C5: variants seen among roughly 807,000 people sequenced by gnomAD.
C5 encodes C3 and PZP-like alpha-2-macroglobulin domain-containing protein 4.
A neutral mutation model predicts 218.8 loss-of-function variants in C5; 140 were observed. The ratio of observed to expected loss-of-function variants is 0.64; its 90% CI spans 0.56 to 0.74. The LOEUF (loss-of-function observed/expected upper bound fraction) is 0.74. Ranked by LOEUF, C5 falls within the 30% of genes least tolerant of loss-of-function variation. C5 has a pLI of 0.00. For missense variants in C5, 1,700 were observed against 1,969.6 expected (o/e 0.86, Z 2.59); for synonymous variants, 614 against 682.3 (o/e 0.90, Z 1.56).
intron 7 of C5, among the ~76,000 whole-genome samples, 155 bp from the exon 8 acceptor site, chr9:121,027,429 C>A (rs982192637): frequency 2.0e-5 from 3 of 152,126 alleles, no homozygotes; most frequent in Non-Finnish European, 4.4e-5. Flanking sequence ...CATCATGCTA[C>A]CTGACTTCAA....
At chr9:121,066,131 G>C in the C5 span, among the ~76,000 whole-genome samples, 1 of 151,694 alleles carries the variant, frequency 6.6e-6, no homozygotes, top group African/African-American at 2.4e-5. Flanking sequence ...TGGCCAATAT[G>C]GCGAAACCCC....
the C5 span, among the ~76,000 whole-genome samples, chr9:121,068,647 C>G: frequency 1.3e-5 from 2 of 152,074 alleles, no homozygotes; most frequent in Non-Finnish European, 2.9e-5. Context: ...TTTTATGGAA[C>G]CACAAAGGAA....
intron 3 of C5, among the ~76,000 whole-genome samples, chr9:121,042,142 T>C (rs866540989): frequency 6.6e-6 from 1 of 152,192 alleles, no homozygotes; most frequent in African/African-American, 2.4e-5. Flanking sequence ...TATACATCTC[T>C]AATATTCTAT....
At chr9:121,000,542 A>G (rs2047152862) in intron 20 of C5, among the ~76,000 whole-genome samples, 1 of 152,202 alleles carries the variant, frequency 6.6e-6, no homozygotes, top group Non-Finnish European at 1.5e-5. Context: ...AATCAGTTGG[A>G]AAAGCATGAA....
chr9:120,995,742 T>C (rs1325248473), intron 22 of C5, among the ~76,000 whole-genome samples: 2 of 152,018 alleles, frequency 1.3e-5, no homozygotes, highest in Admixed American at 6.6e-5. Context: ...GAATTATTAT[T>C]GTTGTGTCTC....
Position 121,025,454 on chromosome 9 carries a change from C to G in C5, c.1000G>C (p.Gly334Arg), listed in dbSNP as rs570763379. Residue 334 changes from glycine to arginine, a missense_variant and splice_region_variant, in exon 9 of 41, where the codon GGT becomes CGT. Transcript: ENST00000223642. ...YIAVTVIEST[G>R]GFSEEAEIPG... ...CACACACACACACACACACACTTAC[C>G]TGTAGACTCTATGACTGTTACAGCA... 1.1e-5 allele frequency: 13 copies of G among 1,185,376 alleles called. No homozygotes were observed. In the African/African-American group the frequency reaches 1.8e-4, roughly 17 times the overall value. The allele number at this position is 1,185,376 out of a possible 1,614,324, so 73.4% of individuals were successfully genotyped here.
intron 33 of C5, among the ~76,000 whole-genome samples, chr9:120,967,783 G>A (rs1158091677): frequency 2.0e-5 from 3 of 151,698 alleles, no homozygotes; most frequent in Non-Finnish European, 2.9e-5. Context: ...GTGCAGTGGC[G>A]TGGTCACAGC....
At chr9:121,027,296 C>G in intron 7 of C5, 22 bp from the exon 8 acceptor site, 1 of 1,108,486 alleles carries the variant, frequency 9.0e-7, no homozygotes, top group South Asian at 1.3e-5. Flanking sequence ...TAGCATAAAA[C>G]TGTTTTACTA....
chr9:121,027,356 C>T (rs2416811), intron 7 of C5, 82 bp from the exon 8 acceptor site: 351,837 of 780,274 alleles, frequency 0.45, 84,505 homozygotes, highest in South Asian at 0.63. Context: ...TTTGAAATTA[C>T]GTAAAGCACT....
chr9:120,965,420 T>C (rs1413125421), intron 33 of C5, among the ~76,000 whole-genome samples: 3 of 151,954 alleles, frequency 2.0e-5, no homozygotes, highest in African/African-American at 4.8e-5. Flanking sequence ...CTTAAGAGGC[T>C]GAGGCACGAG....
intron 20 of C5, among the ~76,000 whole-genome samples, chr9:121,002,644 A>G (rs908455048): frequency 2.6e-5 from 4 of 152,070 alleles, no homozygotes; most frequent in Non-Finnish European, 4.4e-5. Context: ...CCAAGCCTCA[A>G]GCCCATCTTG....
intron 30 of C5, 135 bp downstream of exon 30, chr9:120,974,644 T>A: frequency 1.2e-6 from 1 of 838,056 alleles, no homozygotes. Context: ...ATAGCAGGCA[T>A]CCCTGTTTAG....
chr9:121,007,104 A>G lies in C5; in HGVS notation c.2349-127T>C, dbSNP rs2047222469. 8 of 714,150 alleles carry G rather than the reference A, an allele frequency of 1.1e-5. No individual in the cohort carries two copies. In the East Asian group the frequency reaches 2.1e-4, roughly 19 times the overall value. 44.2% of individuals were successfully genotyped at this position (714,150 alleles called of 1,614,324 possible). On this transcript the variant is annotated intron_variant, in intron 18 of 40. Coordinates refer to ENST00000223642, the MANE Select transcript of C5 (RefSeq NM_001735.3). ...GAAAGAAAAAAATTCACGAGATGAAATCACATCATTAAGGAAAACCTCATC... is the reference window on the plus strand; with the variant it reads ...GAAAGAAAAAAATTCACGAGATGAAGTCACATCATTAAGGAAAACCTCATC...
At chr9:120,980,328 T>A (rs41305621) in intron 27 of C5, 74 bp from the exon 28 acceptor site, 1 of 1,309,628 alleles carries the variant, frequency 7.6e-7, no homozygotes, top group Non-Finnish European at 1.1e-6. Flanking sequence ...TACCCTCAGA[T>A]CCCACTATCC....
the C5 span, among the ~76,000 whole-genome samples, chr9:121,073,135 G>T: frequency 1.3e-5 from 2 of 152,174 alleles, no homozygotes; most frequent in Admixed American, 1.3e-4. Context: ...GCCTAATACT[G>T]CTTATAATAT....
At chr9:121,042,023 T>C (rs1459364084) in intron 3 of C5, among the ~76,000 whole-genome samples, 4 of 152,172 alleles carry the variant, frequency 2.6e-5, no homozygotes, top group African/African-American at 9.7e-5. Flanking sequence ...ATTTAGCAAA[T>C]ATCTACTGTG....
At chr9:120,961,757 C>A (rs923742307) in intron 36 of C5, among the ~76,000 whole-genome samples, 192 bp from the exon 37 acceptor site, 1 of 152,152 alleles carries the variant, frequency 6.6e-6, no homozygotes, top group African/African-American at 2.4e-5. Context: ...AGAAAGATCT[C>A]CCCTTTTTCA....
the C5 span, among the ~76,000 whole-genome samples, chr9:121,063,954 T>G: frequency 2.6e-5 from 4 of 152,130 alleles, no homozygotes; most frequent in African/African-American, 7.2e-5. Flanking sequence ...CTGGGGAAAA[T>G]GGGGAATATT....
intron 28 of C5, among the ~76,000 whole-genome samples, chr9:120,978,453 T>G (rs1422388033): frequency 2.6e-5 from 4 of 152,212 alleles, no homozygotes; most frequent in Non-Finnish European, 5.9e-5. Context: ...CTTGGATTAT[T>G]AAGTTCCCTT....
Sources: allele counts gnomAD v4.1 joint callset (sites outside exome capture counted in the v4.1 genomes callset), GRCh38; gene constraint gnomAD v4.1.1; transcripts MANE v1.5; gene names NCBI Gene and HGNC (gene_info 2026-07-23, HGNC 2026-07-21).